Variants in PLSCR2 observed in about 807,000 individuals in gnomAD.
The protein encoded by PLSCR2 is phospholipid scramblase 2, also known as PL scramblase 2.
PLSCR2 carries 18 observed loss-of-function variants against 25.3 expected under a neutral mutation model. The observed-to-expected ratio is 0.71, with a 90% CI of 0.49 to 1.06. PLSCR2 has a LOEUF of 1.06. PLSCR2 is among the 50% of genes least tolerant of loss of function. The pLI is 0.00. For missense variants in PLSCR2, 243 were observed against 269.5 expected (o/e 0.90, Z 0.69); for synonymous variants, 88 against 87.3 (o/e 1.01, Z -0.04).
At chr3:146,461,353 T>C (rs1051431516), upstream of PLSCR2, among the ~76,000 whole-genome samples, 1 of 152,198 alleles carries the variant, frequency 6.6e-6, no homozygotes, top group African/African-American at 2.4e-5. Context: ...ACTGTAAATA[T>C]AGCTTTTATA....
chr3:146,425,268 A>G (rs1242458008), intron 2 of PLSCR2, among the ~76,000 whole-genome samples: 1 of 152,116 alleles, frequency 6.6e-6, no homozygotes, highest in Non-Finnish European at 1.5e-5. Flanking sequence ...AGAAGCTGCT[A>G]CCACATTTCT....
upstream of PLSCR2, among the ~76,000 whole-genome samples, chr3:146,460,747 T>A (rs1217277047): frequency 1.3e-5 from 2 of 152,156 alleles, no homozygotes; most frequent in Non-Finnish European, 2.9e-5. Flanking sequence ...CACCCCAAAA[T>A]ACTACAGTGT....
chr3:146,413,735 T>G (rs2038923800), intron 2 of PLSCR2, among the ~76,000 whole-genome samples: 1 of 152,236 alleles, frequency 6.6e-6, no homozygotes, highest in South Asian at 2.1e-4. Context: ...CTAAGAAATC[T>G]CAGACTTCCT....
chr3:146,449,086 G>C lies in PLSCR2; in HGVS notation c.645+120C>G, dbSNP rs185454725. 3.1e-3 allele frequency: 2,368 copies of C among 770,028 alleles called. 7 individuals are homozygous for C. The highest frequency in any genetic ancestry group is 4.4e-3 in the Non-Finnish European group (2,108 of 478,384). 47.7% of individuals were successfully genotyped at this position (770,028 alleles called of 1,614,324 possible). A position where few individuals can be genotyped will look rare whatever the true frequency, so the allele number is the denominator to read the frequency against. ...GAATTTCAGTGCGGGGATTAAATGA[G>C]AACATTTTATAAAACCTTTACACTT... On this transcript the variant is annotated intron_variant, in intron 6 of 6. Coordinates refer to ENST00000610787, the Ensembl canonical transcript of PLSCR2.
At chr3:146,484,040 T>C (rs1465660045) in intron 1 of PLSCR2, among the ~76,000 whole-genome samples, 3 of 151,314 alleles carry the variant, frequency 2.0e-5, no homozygotes, top group Non-Finnish European at 2.9e-5. Flanking sequence ...CTAAGAACCA[T>C]GATAGAAGGT....
chr3:146,412,348 C>T (rs1400244579), intron 2 of PLSCR2, among the ~76,000 whole-genome samples: 1 of 152,094 alleles, frequency 6.6e-6, no homozygotes, highest in Non-Finnish European at 1.5e-5. Flanking sequence ...TCTCCCTGGG[C>T]CCCCAGGTTT....
chr3:146,459,822 TGAGTA>T, intron 2 of PLSCR2, 21 bp downstream of exon 2: 1 of 1,447,524 alleles, frequency 6.9e-7, no homozygotes, highest in South Asian at 1.2e-5. Context: ...TTTTTTTTTC[TGAGTA>T]TTTTACGTAT....
intron 1 of PLSCR2, among the ~76,000 whole-genome samples, chr3:146,470,515 T>G (rs1234186053): frequency 6.6e-6 from 1 of 151,986 alleles, no homozygotes; most frequent in Non-Finnish European, 1.5e-5. Context: ...GCCACTACAC[T>G]CCAGCCTGGG....
chr3:146,399,754 T>C (rs2038396780), intron 2 of PLSCR2, among the ~76,000 whole-genome samples: 1 of 145,508 alleles, frequency 6.9e-6, no homozygotes, highest in Non-Finnish European at 1.5e-5. Flanking sequence ...CTTTCTTCCT[T>C]GCTTGCTTTC....
At chr3:146,440,469 C>T (rs369318341), downstream of PLSCR2, among the ~76,000 whole-genome samples, 1 of 152,230 alleles carries the variant, frequency 6.6e-6, no homozygotes, top group East Asian at 1.9e-4. Flanking sequence ...CAAGCCTCAG[C>T]AATGGCAGAC....
At chr3:146,391,929 A>G (rs575683924) in intron 3 of PLSCR2, among the ~76,000 whole-genome samples, 1 of 152,264 alleles carries the variant, frequency 6.6e-6, no homozygotes, top group African/African-American at 2.4e-5. Context: ...AAAATCTACC[A>G]TAAGTATTTT....
intron 5 of PLSCR2, among the ~76,000 whole-genome samples, 173 bp downstream of exon 5, chr3:146,453,829 T>C (rs373949598): frequency 4.6e-5 from 7 of 152,308 alleles, no homozygotes; most frequent in Admixed American, 3.3e-4. Context: ...ATTATCAATA[T>C]TGACCTTTAG....
chr3:146,434,762 T>C (rs1039468725), intron 8 of PLSCR2, among the ~76,000 whole-genome samples: 1 of 152,048 alleles, frequency 6.6e-6, no homozygotes, highest in African/African-American at 2.4e-5. Flanking sequence ...AAAGGTGATT[T>C]TATTTATTTA....
chr3:146,395,173 G>T (rs1212020454), intron 3 of PLSCR2, among the ~76,000 whole-genome samples: 4 of 152,142 alleles, frequency 2.6e-5, no homozygotes, highest in Non-Finnish European at 4.4e-5. Flanking sequence ...ATCATCTAAA[G>T]TTCAATAAAA....
At chr3:146,448,583 A>G (rs920021467) in intron 6 of PLSCR2, among the ~76,000 whole-genome samples, 14 of 152,020 alleles carry the variant, frequency 9.2e-5, no homozygotes, top group African/African-American at 3.1e-4. Context: ...GTTTCCATAA[A>G]CCTCAACTTT....
chr3:146,450,975 A>G (rs1369234558), intron 5 of PLSCR2, among the ~76,000 whole-genome samples: 1 of 151,942 alleles, frequency 6.6e-6, no homozygotes, highest in Non-Finnish European at 1.5e-5. Flanking sequence ...AAATTTATAA[A>G]GTATAGATAA....
At chr3:146,418,609 G>A (rs2039056793) in intron 2 of PLSCR2, among the ~76,000 whole-genome samples, 1 of 152,108 alleles carries the variant, frequency 6.6e-6, no homozygotes, top group Non-Finnish European at 1.5e-5. Flanking sequence ...AGGTTTTGAG[G>A]ACTTGAAATA....
intron 6 of PLSCR2, among the ~76,000 whole-genome samples, chr3:146,448,540 T>C (rs1450530688): frequency 6.6e-6 from 1 of 152,202 alleles, no homozygotes; most frequent in African/African-American, 2.4e-5. Flanking sequence ...CAGGTGTTTC[T>C]ACTGTGTAGC....
At chr3:146,472,517 A>G (rs1560043452) in intron 1 of PLSCR2, among the ~76,000 whole-genome samples, 1 of 152,218 alleles carries the variant, frequency 6.6e-6, no homozygotes, top group Non-Finnish European at 1.5e-5. Flanking sequence ...GTGTCTGCAG[A>G]AGGGCCTACA....
Sources: gnomAD v4.1 joint callset for allele counts (sites outside exome capture counted in the v4.1 genomes callset) on GRCh38, gnomAD v4.1.1 for gene constraint, MANE v1.5 for transcripts, NCBI Gene and HGNC (gene_info 2026-07-23, HGNC 2026-07-21) for gene names.